Variants in PLEKHA3 observed in about 807,000 individuals in gnomAD.
The protein encoded by PLEKHA3 is pleckstrin homology domain-containing family A member 3.
Under a neutral mutation model 39.2 loss-of-function variants are expected in PLEKHA3, and 19 were observed. The observed-to-expected ratio is 0.48, with a 90% confidence interval of 0.34 to 0.71. PLEKHA3 has a LOEUF of 0.71. PLEKHA3 is among the 30% of genes least tolerant of loss of function. PLEKHA3 has a pLI of 0.01. For missense variants in PLEKHA3, 253 were observed against 359.5 expected (o/e 0.70, Z 2.40); for synonymous variants, 97 against 118.6 (o/e 0.82, Z 1.18).
chr2:178,501,613 A>G (rs1575146869), intron 7 of PLEKHA3, among the ~76,000 whole-genome samples: 1 of 152,018 alleles, frequency 6.6e-6, no homozygotes, highest in Non-Finnish European at 1.5e-5. Context: ...ACAGTGAATT[A>G]TAGTAGCATT....
rs922962026 is a variant in PLEKHA3 at position 178,511,574 on chromosome 2, T to C, written c.*7687T>C. On this transcript the variant is annotated 3_prime_UTR_variant, in exon 8 of 8. Coordinates refer to ENST00000234453, the MANE Select transcript of PLEKHA3 (RefSeq NM_019091.4). ...ATTTTTACAAAAATTTTTCACCATGTTGGCCAGGGTGGTCTCAAACTCCTA... is the reference window on the plus strand; with the variant it reads ...ATTTTTACAAAAATTTTTCACCATGCTGGCCAGGGTGGTCTCAAACTCCTA... The C allele has an allele frequency of 6.6e-6, 1 of 152,226 alleles. No homozygotes were observed. The highest frequency in any genetic ancestry group is 1.9e-4 in the East Asian group (1 of 5,204). 9.4% of individuals were successfully genotyped at this position (152,226 alleles called of 1,614,324 possible).
intron 2 of PLEKHA3, among the ~76,000 whole-genome samples, chr2:178,486,801 G>A (rs1685257755): frequency 6.6e-6 from 1 of 152,054 alleles, no homozygotes. Flanking sequence ...TTTCCGTTTT[G>A]GGACTACAGT....
At position 178,507,657 on chromosome 2, in the gene PLEKHA3, G is replaced by A. The variant is rs1389884222; in HGVS notation, c.*3770G>A. ...CCCTTTAGTTTTTAGTCTCACATTAGGTTTTTTTTTTTTTTTTTTTTTTTT... is the reference window on the plus strand; with the variant it reads ...CCCTTTAGTTTTTAGTCTCACATTAAGTTTTTTTTTTTTTTTTTTTTTTTT... On this transcript the variant is annotated 3_prime_UTR_variant, in exon 8 of 8. Coordinates refer to ENST00000234453, the MANE Select transcript of PLEKHA3 (RefSeq NM_019091.4). The A allele has an allele frequency of 4.3e-5, 1 of 23,124 alleles. No individual in the cohort carries two copies. The highest frequency in any genetic ancestry group is 6.9e-4 in the East Asian group (1 of 1,456). The allele number at this position is 23,124 out of a possible 1,614,324, so 1.4% of individuals were successfully genotyped here. A position where few individuals can be genotyped will look rare whatever the true frequency, so the allele number is the denominator to read the frequency against.
Position 178,493,976 on chromosome 2 carries a change from C to T in PLEKHA3, c.437C>T (p.Ser146Phe). Residue 146 changes from serine (S) to phenylalanine (F), a missense_variant, in exon 4 of 8, where the codon TCT (serine) becomes TTT (phenylalanine). By Grantham distance (155) the Ser-to-Phe change is radical. Coordinates refer to ENST00000234453, the MANE Select transcript of PLEKHA3 (RefSeq NM_019091.4). Reference sequence around the variant, plus strand: ...GTTCACCATGATGAGAATCATTCATCTCCTAGTGCAGAGGTAGAGCGAAGA... The same window carrying T: ...GTTCACCATGATGAGAATCATTCATTTCCTAGTGCAGAGGTAGAGCGAAGA... ...EFVHHDENHS[S>F]PSAENMNEAS... 1.9e-6 allele frequency: 3 copies of T among 1,613,850 alleles called. No individual in the cohort carries two copies. The highest frequency in any genetic ancestry group is 2.5e-6 in the Non-Finnish European group (3 of 1,179,892).
intron 7 of PLEKHA3, among the ~76,000 whole-genome samples, chr2:178,503,221 A>G (rs1685556522): frequency 6.6e-6 from 1 of 151,962 alleles, no homozygotes; most frequent in Non-Finnish European, 1.5e-5. Context: ...CTGCATTACA[A>G]ATGGAGAAAT....
Position 178,485,717 on chromosome 2 carries a change from G to A in PLEKHA3, c.117G>A (p.Gly39=). The change falls in exon 2 of 8, where the codon GGG becomes GGA. Residue 39 remains glycine, a synonymous_variant. Coordinates refer to ENST00000234453, the MANE Select transcript of PLEKHA3 (RefSeq NM_019091.4). ...ATTCACAAGATGATGTTTGCAAAGG[G>A]AGCAAAGGAAGCATAAAGATGGCAG... The part of the protein sequence containing the change: ...YYDSQDDVCK[G]SKGSIKMAVC... The A allele has an allele frequency of 6.2e-7, 1 of 1,613,786 alleles. No individual in the cohort carries two copies.
In PLEKHA3 at chr2:178,501,075, T is replaced by A; in HGVS notation, c.674T>A (p.Ile225Lys). ...SCSSERSSHS[I>K]KEPVSTLHRL... ...TTAATTTGCAGGAGTAGCCACTCTATAAAAGAACCAGTATCTACACTTCAC... is the reference window on the plus strand; with the variant it reads ...TTAATTTGCAGGAGTAGCCACTCTAAAAAAGAACCAGTATCTACACTTCAC... Residue 225 changes from isoleucine to lysine, a missense_variant, in exon 7 of 8, where the codon ATA becomes AAA. By Grantham distance (102) the Ile-to-Lys change is moderately radical (BLOSUM62 -3). Transcript: ENST00000234453. 6.2e-7 allele frequency: 1 copy of A among 1,612,484 alleles called. No homozygotes were observed. Among genetic ancestry groups the A allele is most frequent in the Non-Finnish European group, 8.5e-7 (1 of 1,178,970 alleles).
intron 2 of PLEKHA3, among the ~76,000 whole-genome samples, chr2:178,489,451 C>CTTT (rs71023445): frequency 0.038 from 3,148 of 82,162 alleles, 96 homozygotes; most frequent in African/African-American, 0.074. Flanking sequence ...TCTTTTCCTT[C>CTTT]TTTTTTTTTT....
At chr2:178,501,261 C>A in intron 7 of PLEKHA3, 85 bp downstream of exon 7, 1 of 925,600 alleles carries the variant, frequency 1.1e-6, no homozygotes, top group Non-Finnish European at 1.7e-6. Context: ...ATGAAGTATA[C>A]TGACTGAACA....
chr2:178,501,769 G>A (rs1379482460), intron 7 of PLEKHA3, among the ~76,000 whole-genome samples: 4 of 152,034 alleles, frequency 2.6e-5, no homozygotes, highest in Non-Finnish European at 1.5e-5. Flanking sequence ...TATCTAGTAA[G>A]ATAGTAGTGA....
At chr2:178,486,714 C>G (rs1641502346) in intron 2 of PLEKHA3, among the ~76,000 whole-genome samples, 1 of 152,188 alleles carries the variant, frequency 6.6e-6, no homozygotes, top group African/African-American at 2.4e-5. Flanking sequence ...TTCAGTCATT[C>G]TCATTGTACA....
At chr2:178,502,540 C>T (rs1685541076) in intron 7 of PLEKHA3, 1 of 182,158 alleles carries the variant, frequency 5.5e-6, no homozygotes, top group Non-Finnish European at 1.3e-5. Flanking sequence ...GACTCTTAAT[C>T]CAGAGTTCAT....
At chr2:178,482,931 A>C (rs572956134) in intron 1 of PLEKHA3, among the ~76,000 whole-genome samples, 1 of 152,304 alleles carries the variant, frequency 6.6e-6, no homozygotes, top group African/African-American at 2.4e-5. Flanking sequence ...CATAAGAATG[A>C]GCAGCTGTTC....
At position 178,506,744 on chromosome 2, in the gene PLEKHA3, A is replaced by G. The variant is rs948354352; in HGVS notation, c.*2857A>G. ...CTCTAGGTCTGTACTTTGAGCCTTGATCTGGGTACTTGGTACAGAGGGAGT... is the reference window on the plus strand; with the variant it reads ...CTCTAGGTCTGTACTTTGAGCCTTGGTCTGGGTACTTGGTACAGAGGGAGT... On this transcript the variant is annotated 3_prime_UTR_variant, in exon 8 of 8. Transcript: ENST00000234453. 1.3e-5 allele frequency: 2 copies of G among 152,222 alleles called. No homozygotes were observed. The highest frequency in any genetic ancestry group is 4.8e-5 in the African/African-American group (2 of 41,456). The allele number at this position is 152,222 out of a possible 1,614,324, so 9.4% of individuals were successfully genotyped here.
rs1343606779 is a variant in PLEKHA3 at position 178,510,943 on chromosome 2, A to G, written c.*7056A>G. 1.3e-5 allele frequency: 2 copies of G among 152,116 alleles called. No individual in the cohort carries two copies. The highest frequency in any genetic ancestry group is 2.9e-5 in the Non-Finnish European group (2 of 68,026). The allele number at this position is 152,116 out of a possible 1,614,324, so 9.4% of individuals were successfully genotyped here. ...TAATGGTCTGCTTCAGATTTTTTTTATAAGTTAATGTTTTAAAACAAAATA... is the reference window on the plus strand; with the variant it reads ...TAATGGTCTGCTTCAGATTTTTTTTGTAAGTTAATGTTTTAAAACAAAATA... On this transcript the variant is annotated 3_prime_UTR_variant, in exon 8 of 8. Transcript: ENST00000234453.
intron 1 of PLEKHA3, among the ~76,000 whole-genome samples, chr2:178,482,762 A>G (rs554918955): frequency 1.3e-5 from 2 of 152,250 alleles, no homozygotes; most frequent in South Asian, 2.1e-4. Flanking sequence ...TTTTAATCAC[A>G]TGTGATTTAG....
rs1197938645 is a variant in PLEKHA3, at chr2:178,516,077, TAC to T, written c.*12192_*12193del. ...GTATATACACATACATATATATATATACATACATATATATACATAAAATGATT... is the reference window on the plus strand; with the variant it reads ...GTATATACACATACATATATATATATATACATATATATACATAAAATGATT... On this transcript the variant is annotated 3_prime_UTR_variant, in exon 8 of 8. Transcript: ENST00000234453. The T allele has an allele frequency of 2.0e-5, 3 of 151,170 alleles. No homozygotes were observed. The highest frequency in any genetic ancestry group is 4.4e-5 in the Non-Finnish European group (3 of 67,740). The allele number at this position is 151,170 out of a possible 1,614,324, so 9.4% of individuals were successfully genotyped here. A position where few individuals can be genotyped will look rare whatever the true frequency, so the allele number is the denominator to read the frequency against.
At chr2:178,502,243 TA>T in intron 7 of PLEKHA3, 1 of 183,442 alleles carries the variant, frequency 5.5e-6, no homozygotes. Flanking sequence ...TTTTTTTTTT[TA>T]ATGCCCACTT....
In PLEKHA3 at chr2:178,508,876, A is replaced by T. The variant is rs1325170136; in HGVS notation, c.*4989A>T. On this transcript the variant is annotated 3_prime_UTR_variant, in exon 8 of 8. Coordinates refer to ENST00000234453, the MANE Select transcript of PLEKHA3 (RefSeq NM_019091.4). Reference sequence around the variant, plus strand: ...GGGGCGTAGGCTGGCTGTGGAGAGTAGGGGAGAGGACCTGGGTTCCAGTTG... The same window carrying T: ...GGGGCGTAGGCTGGCTGTGGAGAGTTGGGGAGAGGACCTGGGTTCCAGTTG... 1 of 153,756 alleles carries T rather than the reference A, an allele frequency of 6.5e-6. No individual in the cohort carries two copies. The highest frequency in any genetic ancestry group is 1.5e-5 in the Non-Finnish European group (1 of 68,078). The allele number at this position is 153,756 out of a possible 1,614,324, so 9.5% of individuals were successfully genotyped here.
Sources: gnomAD v4.1 joint callset for allele counts (sites outside exome capture counted in the v4.1 genomes callset) on GRCh38, gnomAD v4.1.1 for gene constraint, MANE v1.5 for transcripts, NCBI Gene and HGNC (gene_info 2026-07-23, HGNC 2026-07-21) for gene names.